Variants in CDC45 observed in about 807,000 individuals in gnomAD.
CDC45 encodes cell division control protein 45 homolog.
CDC45 carries 54 observed loss-of-function variants against 77.8 expected under a neutral mutation model. That is an observed-to-expected ratio of 0.69 (90% CI 0.56 to 0.87). CDC45 has a LOEUF of 0.87. CDC45 is among the 40% of genes least tolerant of loss of function. The probability of loss-of-function intolerance (pLI) is 0.00; values close to 1 mark genes in which losing one functional copy is unlikely to be tolerated. For missense variants in CDC45, 649 were observed against 721.6 expected (o/e 0.90, Z 1.15); for synonymous variants, 260 against 272.1 (o/e 0.96, Z 0.44).
At chr22:19,496,243 G>T (rs2090240095) in intron 7 of CDC45, among the ~76,000 whole-genome samples, 1 of 152,184 alleles carries the variant, frequency 6.6e-6, no homozygotes, top group Admixed American at 6.5e-5. Flanking sequence ...CATTTCAGAG[G>T]TAATTATTAA....
chr22:19,507,149 C>T (rs759899057), intron 10 of CDC45, among the ~76,000 whole-genome samples: 59 of 152,190 alleles, frequency 3.9e-4, no homozygotes, highest in Non-Finnish European at 8.8e-5. Flanking sequence ...CCCCTGTGCT[C>T]CAGATTCTCT....
At chr22:19,505,213 G>C in intron 9 of CDC45, 149 bp from the exon 10 acceptor site, 1 of 825,146 alleles carries the variant, frequency 1.2e-6, no homozygotes, top group Non-Finnish European at 1.9e-6. Context: ...TTTCTATGCA[G>C]GCTGCATGTC....
chr22:19,505,503 AG>A, intron 10 of CDC45, 22 bp downstream of exon 10: 1 of 1,612,690 alleles, frequency 6.2e-7, no homozygotes, highest in South Asian at 1.1e-5. Context: ...GCCCAGCCTG[AG>A]GGGCACAGGC....
rs376637130 is a variant in CDC45 at position 19,515,106 on chromosome 22, G to T, written c.1440+58G>T. On this transcript the variant is annotated intron_variant, in intron 15 of 18. Coordinates refer to ENST00000263201, the MANE Select transcript of CDC45 (RefSeq NM_003504.5). ...AGGGCAGGTGCTTGGAGAGCTCCCT[G>T]GATGGGGAGTTAGATGCTGGCCTTG... 1.8e-5 allele frequency: 26 copies of T among 1,480,162 alleles called. No individual in the cohort carries two copies. In the African/African-American group the frequency reaches 3.4e-4, roughly 19 times the overall value. 91.7% of individuals were successfully genotyped at this position (1,480,162 alleles called of 1,614,324 possible). A position where few individuals can be genotyped will look rare whatever the true frequency, so the allele number is the denominator to read the frequency against.
At chr22:19,480,720 A>G (rs963492680) in intron 2 of CDC45, among the ~76,000 whole-genome samples, 2 of 152,176 alleles carry the variant, frequency 1.3e-5, no homozygotes, top group African/African-American at 4.8e-5. Flanking sequence ...AAGGCCTGGA[A>G]GTTAAATCGG....
intron 3 of CDC45, among the ~76,000 whole-genome samples, chr22:19,481,560 T>C (rs1467929591): frequency 2.0e-5 from 3 of 151,992 alleles, no homozygotes; most frequent in African/African-American, 7.3e-5. Context: ...TTTGTATTTT[T>C]AGTAGAGACG....
chr22:19,497,319 TG>T, intron 7 of CDC45, 66 bp from the exon 8 acceptor site: 1 of 1,467,212 alleles, frequency 6.8e-7, no homozygotes, highest in Non-Finnish European at 9.5e-7. Flanking sequence ...AAGTCCAGTC[TG>T]GCTGCATGGC....
chr22:19,482,208 A>G (rs2089994207), intron 3 of CDC45, among the ~76,000 whole-genome samples: 1 of 152,182 alleles, frequency 6.6e-6, no homozygotes. Context: ...TCCTGTTATT[A>G]TGTCAAGGAC....
At chr22:19,513,137 G>A (rs1025277633) in intron 13 of CDC45, among the ~76,000 whole-genome samples, 2 of 152,170 alleles carry the variant, frequency 1.3e-5, no homozygotes, top group African/African-American at 2.4e-5. Context: ...ACCCCACCTC[G>A]AAGATCTTGG....
chr22:19,497,247 C>A, intron 7 of CDC45, 139 bp from the exon 8 acceptor site: 1 of 716,734 alleles, frequency 1.4e-6, no homozygotes, highest in Non-Finnish European at 2.5e-6. Context: ...CTGGAATCCA[C>A]CCACATGCCC....
chr22:19,480,252 C>T, intron 2 of CDC45, 35 bp downstream of exon 2: 2 of 1,597,276 alleles, frequency 1.3e-6, no homozygotes, highest in Non-Finnish European at 8.6e-7. Context: ...GCGGGGCCGG[C>T]GCGCGAGGTG....
chr22:19,491,433 AT>A (rs77377103), intron 5 of CDC45, among the ~76,000 whole-genome samples: 5,557 of 142,798 alleles, frequency 0.039, 130 homozygotes, highest in African/African-American at 0.069. Context: ...GAATTTCTTG[AT>A]TTTTTTTTTT....
chr22:19,481,077 T>A (rs763365216), intron 3 of CDC45, 32 bp downstream of exon 3: 1 of 1,385,530 alleles, frequency 7.2e-7, no homozygotes, highest in Non-Finnish European at 1.0e-6. Flanking sequence ...ATAACGTGGC[T>A]TTTTACTCAA....
intron 12 of CDC45, 107 bp downstream of exon 12, chr22:19,507,971 C>A (rs1933295483): frequency 1.4e-6 from 1 of 717,516 alleles, no homozygotes; most frequent in African/African-American, 1.8e-5. Context: ...AACCAACGTG[C>A]TCCTAAAATA....
intron 13 of CDC45, among the ~76,000 whole-genome samples, chr22:19,514,511 A>G (rs1933672881): frequency 6.6e-6 from 1 of 152,018 alleles, no homozygotes; most frequent in South Asian, 2.1e-4. Context: ...GTTGGCTTTT[A>G]GTTTCCTGTC....
intron 5 of CDC45, among the ~76,000 whole-genome samples, chr22:19,488,121 C>T (rs2090101402): frequency 6.6e-6 from 1 of 152,168 alleles, no homozygotes; most frequent in African/African-American, 2.4e-5. Flanking sequence ...TTTGTATCTG[C>T]TATAACAGCT....
At chr22:19,517,809 T>C (rs553446060) in intron 17 of CDC45, among the ~76,000 whole-genome samples, 1 of 152,230 alleles carries the variant, frequency 6.6e-6, no homozygotes, top group Non-Finnish European at 1.5e-5. Context: ...ACATTTGAAC[T>C]TAATTACCAT....
intron 2 of CDC45, 39 bp downstream of exon 2, chr22:19,480,256 C>G: frequency 6.3e-7 from 1 of 1,591,450 alleles, no homozygotes; most frequent in Non-Finnish European, 8.6e-7. Flanking sequence ...GGCCGGCGCG[C>G]GAGGTGAGGG....
rs1409287050 is a variant in CDC45, at chr22:19,479,977, G to A, written c.9G>A (p.Val3=). The A allele has an allele frequency of 6.2e-7, 1 of 1,613,704 alleles. No individual in the cohort carries two copies. Among genetic ancestry groups the A allele is most frequent in the African/African-American group, 1.3e-5 (1 of 75,040 alleles). Reference sequence around the variant, plus strand: ...GTCCGGCCGCCGTGGCTATGTTCGTGTCCGATTTCCGCAAAGAGTTCTACG... The same window carrying A: ...GTCCGGCCGCCGTGGCTATGTTCGTATCCGATTTCCGCAAAGAGTTCTACG... MF[V]SDFRKEFYEV... Residue 3 remains valine (V), a synonymous_variant, in exon 1 of 19, where the codon GTG becomes GTA. Coordinates refer to ENST00000263201, the MANE Select transcript of CDC45 (RefSeq NM_003504.5).
Sources: allele counts gnomAD v4.1 joint callset (sites outside exome capture counted in the v4.1 genomes callset), GRCh38; gene constraint gnomAD v4.1.1; transcripts MANE v1.5; gene names NCBI Gene and HGNC (gene_info 2026-07-23, HGNC 2026-07-21).